SPATA19: variants seen among roughly 807,000 people sequenced by gnomAD.
The protein encoded by SPATA19 is spermatogenesis-associated protein 19, mitochondrial.
SPATA19 carries 19 observed loss-of-function variants against 25.0 expected under a neutral mutation model. The observed-to-expected ratio is 0.76, with a 90% CI of 0.53 to 1.11. The LOEUF is 1.11. SPATA19 is among the 50% of genes most tolerant of loss of function. SPATA19 has a pLI of 0.00. For missense variants in SPATA19, 222 were observed against 211.4 expected, an observed-to-expected ratio of 1.05 and a Z score of -0.31; for synonymous variants, 64 against 69.3, an observed-to-expected ratio of 0.92 and a Z score of 0.38.
At position 133,842,077 on chromosome 11, in the gene SPATA19, G is replaced by C. The variant is rs1938321354; in HGVS notation, c.466C>G (p.Gln156Glu). Reference sequence around the variant, plus strand: ...GAGGAGGGTCTCATACTGAAGTCCTGAGCTGAGACATCTGTAAGACGGGAT... The same window carrying C: ...GAGGAGGGTCTCATACTGAAGTCCTCAGCTGAGACATCTGTAAGACGGGAT... ...SISRLTDVSA[Q>E]DFSMRPSSSD... The change falls in exon 6 of 7, where the codon CAG (glutamine) becomes GAG (glutamate). Residue 156 changes from glutamine to glutamate, a missense_variant. Gln to Glu is a conservative substitution (Grantham distance 29). Coordinates refer to ENST00000299140, the MANE Select transcript of SPATA19 (RefSeq NM_174927.3). The C allele has an allele frequency of 6.2e-7, 1 of 1,614,000 alleles. No individual in the cohort carries two copies.
At chr11:133,838,239 C>G (rs1938244060), downstream of SPATA19, among the ~76,000 whole-genome samples, 1 of 151,836 alleles carries the variant, frequency 6.6e-6, no homozygotes, top group East Asian at 1.9e-4. Context: ...GGACAACACG[C>G]AAGAACAGAT....
chr11:133,839,386 A>G (rs886077513), downstream of SPATA19, among the ~76,000 whole-genome samples: 2 of 152,208 alleles, frequency 1.3e-5, no homozygotes, highest in Admixed American at 1.3e-4. Flanking sequence ...TTGTAGGGAC[A>G]TGGATGAAAC....
intron 2 of SPATA19, 67 bp downstream of exon 2, chr11:133,845,067 C>T: frequency 2.9e-6 from 4 of 1,364,304 alleles, no homozygotes; most frequent in Non-Finnish European, 4.1e-6. Flanking sequence ...AGTCCAGATC[C>T]CCACACCCAC....
chr11:133,840,072 T>C (rs527269550), downstream of SPATA19, among the ~76,000 whole-genome samples: 300 of 152,282 alleles, frequency 2.0e-3, 2 homozygotes, highest in Non-Finnish European at 3.0e-3. Flanking sequence ...ACCTTATCTA[T>C]AGAGGAACAA....
chr11:133,839,224 ATG>A (rs1399318834), downstream of SPATA19, among the ~76,000 whole-genome samples: 218 of 152,276 alleles, frequency 1.4e-3, 1 homozygote, highest in African/African-American at 4.6e-3. Flanking sequence ...ATAAAGACAC[ATG>A]CACACGTATG....
In SPATA19 at chr11:133,842,059, G is replaced by T. The variant is rs773705909; in HGVS notation, c.484C>A (p.Pro162Thr). 17 of 1,614,000 alleles carry T rather than the reference G, an allele frequency of 1.1e-5. No homozygotes were observed. The East Asian group carries it at 3.3e-4, about 32-fold the overall frequency. Residue 162 changes from proline (P) to threonine (T), a missense_variant, in exon 6 of 7, where the codon CCC becomes ACC. Pro to Thr is a conservative substitution (Grantham distance 38). Transcript: ENST00000299140. The stretch of plus-strand genomic sequence containing the variant: ...TGCTCTCAGCAGTCTGAGGAGGAGG[G>T]TCTCATACTGAAGTCCTGAGCTGAG... Reference protein sequence around the residue: ...DVSAQDFSMRPSSSDC With the variant: ...DVSAQDFSMRTSSSDC
At chr11:133,842,334 C>A in intron 5 of SPATA19, 151 bp downstream of exon 5, 1 of 754,994 alleles carries the variant, frequency 1.3e-6, no homozygotes, top group Non-Finnish European at 2.3e-6. Flanking sequence ...GCACAGAAGA[C>A]AAGACGCAGC....
At position 133,842,456 on chromosome 11, in the gene SPATA19, C is replaced by T. The variant is rs200678172; in HGVS notation, c.437+29G>A. 3.1e-6 allele frequency: 5 copies of T among 1,592,658 alleles called. No homozygotes were observed. The Admixed American group carries it at 5.0e-5, about 16-fold the overall frequency. ...CACCCTACCTGCCCCCAGTCAGGAA[C>T]ACAAATCAAGCAGTTCCAAACAGCT... On this transcript the variant is annotated intron_variant, in intron 5 of 6. Transcript: ENST00000299140.
chr11:133,845,107 C>A, intron 2 of SPATA19, 27 bp downstream of exon 2: 1 of 1,604,520 alleles, frequency 6.2e-7, no homozygotes, highest in Non-Finnish European at 8.5e-7. Flanking sequence ...TTTTGGATAT[C>A]CTGAGTCATA....
intron 4 of SPATA19, 48 bp downstream of exon 4, chr11:133,844,198 G>A (rs370365918): frequency 6.5e-5 from 96 of 1,473,410 alleles, no homozygotes; most frequent in East Asian, 2.3e-4. Flanking sequence ...AGGGGCTTGC[G>A]CATCTCTCCC....
chr11:133,842,170 C>T, intron 5 of SPATA19, 65 bp from the exon 6 acceptor site: 2 of 1,522,398 alleles, frequency 1.3e-6, no homozygotes, highest in South Asian at 2.2e-5. Flanking sequence ...CCTACCCAGA[C>T]CACGGCACAG....
intron 5 of SPATA19, 54 bp downstream of exon 5, chr11:133,842,431 C>T: frequency 1.4e-6 from 2 of 1,439,842 alleles, no homozygotes; most frequent in Non-Finnish European, 9.8e-7. Flanking sequence ...CAGTCACCCC[C>T]ACCCTACCTG....
chr11:133,842,468 A>T lies in SPATA19; in HGVS notation c.437+17T>A. ...CCCCAGTCAGGAACACAAATCAAGC[A>T]GTTCCAAACAGCTTACCTTCGTCTC... On this transcript the variant is annotated intron_variant, in intron 5 of 6. Transcript: ENST00000299140. 1.2e-6 allele frequency: 2 copies of T among 1,603,726 alleles called. No individual in the cohort carries two copies. The highest frequency in any genetic ancestry group is 1.7e-6 in the Non-Finnish European group (2 of 1,170,616).
downstream of SPATA19, among the ~76,000 whole-genome samples, chr11:133,838,569 T>C (rs909913499): frequency 6.6e-6 from 1 of 152,224 alleles, no homozygotes; most frequent in African/African-American, 2.4e-5. Context: ...TCTAAAACCA[T>C]AATAACCCTA....
rs766020018 is a variant in SPATA19 at position 133,844,285 on chromosome 11, A to G, written c.320T>C (p.Val107Ala). The change falls in exon 4 of 7, where the codon GTC becomes GCC. Residue 107 changes from valine to alanine, a missense_variant. Val to Ala is a moderately conservative substitution (Grantham distance 64). Transcript: ENST00000299140. ...CTGGATTCGTGTTCTCTCCTCTAGG[A>G]CCTCTTGGCTCTGGTTTGCCAACAA... is the stretch of plus-strand genomic sequence containing the variant. Reference protein sequence around the residue: ...SDLLANQSQEVLEERTRIQFI... With the variant: ...SDLLANQSQEALEERTRIQFI... The G allele has an allele frequency of 6.2e-7, 1 of 1,613,890 alleles. No individual in the cohort carries two copies. The highest frequency in any genetic ancestry group is 1.1e-5 in the South Asian group (1 of 91,060).
At chr11:133,836,548 G>A (rs925354402), downstream of SPATA19, among the ~76,000 whole-genome samples, 3 of 152,202 alleles carry the variant, frequency 2.0e-5, no homozygotes, top group Admixed American at 6.5e-5. Flanking sequence ...TCAAACTCTG[G>A]CTATGCCATT....
Position 133,845,447 on chromosome 11 carries a change from C to T in SPATA19, c.-1G>A. On this transcript the variant is annotated 5_prime_UTR_variant, in exon 1 of 7. Transcript: ENST00000299140. ...ACACAATCCATGTCGTAATTATCAT[C>T]TTTGAATGTATACCAGGCCCCCTTC... 1 of 1,614,076 alleles carries T rather than the reference C, an allele frequency of 6.2e-7. No individual in the cohort carries two copies. Among genetic ancestry groups the T allele is most frequent in the South Asian group, 1.1e-5 (1 of 91,074 alleles).
chr11:133,838,679 T>C (rs999148179), downstream of SPATA19, among the ~76,000 whole-genome samples: 2 of 151,950 alleles, frequency 1.3e-5, no homozygotes, highest in African/African-American at 4.8e-5. Flanking sequence ...AATTGACAAA[T>C]GGGATCTAAT....
chr11:133,842,378 G>T (rs1938327312), intron 5 of SPATA19, 107 bp downstream of exon 5: 1 of 874,068 alleles, frequency 1.1e-6, no homozygotes, highest in Non-Finnish European at 1.9e-6. Context: ...CTTGATGTTG[G>T]CATACCAGAG....
Sources: allele counts gnomAD v4.1 joint callset (sites outside exome capture counted in the v4.1 genomes callset), GRCh38; gene constraint gnomAD v4.1.1; transcripts MANE v1.5; gene names NCBI Gene and HGNC (gene_info 2026-07-23, HGNC 2026-07-21).